THSD7A: variants seen among roughly 807,000 people sequenced by gnomAD.
The protein encoded by THSD7A is thrombospondin type-1 domain-containing protein 7A.
Under a neutral mutation model 231.3 loss-of-function variants are expected in THSD7A, and 96 were observed. That is an observed-to-expected ratio of 0.41 (90% CI 0.35 to 0.49). The LOEUF (loss-of-function observed/expected upper bound fraction) is 0.49, where lower values mean the gene tolerates loss of function less well. Among genes scored for constraint, THSD7A ranks in the 20% least tolerant of loss-of-function variants. The pLI is 0.05. For missense variants in THSD7A, 2,290 were observed against 2,070.2 expected, an observed-to-expected ratio of 1.11 and a Z score of -2.06; for synonymous variants, 940 against 743.3, an observed-to-expected ratio of 1.26 and a Z score of -4.30.
chr7:11,628,909 A>C (rs1034380265), intron 2 of THSD7A, among the ~76,000 whole-genome samples: 1 of 152,202 alleles, frequency 6.6e-6, no homozygotes, highest in African/African-American at 2.4e-5. Context: ...TAAAAGGATT[A>C]TTAACAAAAT....
chr7:11,597,234 A>G (rs1207301216), intron 2 of THSD7A, among the ~76,000 whole-genome samples: 1 of 152,206 alleles, frequency 6.6e-6, no homozygotes, highest in Non-Finnish European at 1.5e-5. Flanking sequence ...GCCTGTCAAG[A>G]TATTCCTTCT....
At chr7:11,541,361 A>G in intron 6 of THSD7A, 58 bp downstream of exon 6, 7 of 1,524,082 alleles carry the variant, frequency 4.6e-6, no homozygotes, top group Non-Finnish European at 6.3e-6. Context: ...AACAGAAAGT[A>G]AAAACATATA....
chr7:11,759,017 G>A (rs1782774398), intron 1 of THSD7A, among the ~76,000 whole-genome samples: 1 of 152,006 alleles, frequency 6.6e-6, no homozygotes, highest in Admixed American at 6.6e-5. Flanking sequence ...GCCCCTTCTG[G>A]TAAGGATCCA....
chr7:11,607,487 T>C (rs946982115), intron 2 of THSD7A, among the ~76,000 whole-genome samples: 1 of 152,118 alleles, frequency 6.6e-6, no homozygotes, highest in African/African-American at 2.4e-5. Context: ...ACATTTTAAG[T>C]TTTTATAACT....
At position 11,373,553 on chromosome 7, in the gene THSD7A, C is replaced by CCTGA. The variant is rs1440761588; in HGVS notation, c.*2237_*2240dup. ...TGCTTTAAAGTAAAATTTTCATCTTCCTGACTACCTGTTCTCTTTGAAATG... is the reference window on the plus strand; with the variant it reads ...TGCTTTAAAGTAAAATTTTCATCTTCCTGACTGACTACCTGTTCTCTTTGAAATG... On this transcript the variant is annotated 3_prime_UTR_variant, in exon 28 of 28. Transcript: ENST00000423059. The CCTGA allele has an allele frequency of 6.6e-6, 1 of 151,882 alleles. No homozygotes were observed. Among genetic ancestry groups the CCTGA allele is most frequent in the African/African-American group, 2.4e-5 (1 of 41,398 alleles). 9.4% of individuals were successfully genotyped at this position (151,882 alleles called of 1,614,324 possible). A position where few individuals can be genotyped will look rare whatever the true frequency, so the allele number is the denominator to read the frequency against.
chr7:11,583,286 G>C (rs1250704976), intron 4 of THSD7A, among the ~76,000 whole-genome samples: 4 of 151,416 alleles, frequency 2.6e-5, no homozygotes, highest in Non-Finnish European at 5.9e-5. Context: ...GTGATTTTTT[G>C]TTTGTTTTGA....
chr7:11,462,232 C>T (rs1193362178), intron 9 of THSD7A, 89 bp from the exon 10 acceptor site: 14 of 1,420,852 alleles, frequency 9.9e-6, no homozygotes, highest in Admixed American at 2.0e-5. Context: ...TACATTGCCT[C>T]CAGCTACATG....
chr7:11,671,750 A>G (rs1355296144), intron 1 of THSD7A, among the ~76,000 whole-genome samples: 4 of 152,200 alleles, frequency 2.6e-5, no homozygotes, highest in Non-Finnish European at 4.4e-5. Context: ...GCAATGAAAC[A>G]CAATATATAC....
At chr7:11,768,730 C>A (rs76825952) in intron 1 of THSD7A, among the ~76,000 whole-genome samples, 1 of 151,950 alleles carries the variant, frequency 6.6e-6, no homozygotes, top group African/African-American at 2.4e-5. Context: ...TCATTAAGGA[C>A]AATTTATTCT....
intron 1 of THSD7A, among the ~76,000 whole-genome samples, chr7:11,826,116 A>G (rs114989583): frequency 3.3e-4 from 51 of 152,330 alleles, no homozygotes; most frequent in African/African-American, 1.2e-3. Context: ...TTGAAGAACA[A>G]AGGCATAATT....
At chr7:11,635,483 C>A (rs115041672) in intron 2 of THSD7A, among the ~76,000 whole-genome samples, 2,076 of 151,994 alleles carry the variant, frequency 0.014, 49 homozygotes, top group African/African-American at 0.048. Context: ...CATTATGTAC[C>A]CAAAGATAAT....
chr7:11,642,513 T>C (rs565484694), intron 1 of THSD7A, among the ~76,000 whole-genome samples: 1 of 152,276 alleles, frequency 6.6e-6, no homozygotes, highest in Admixed American at 6.5e-5. Flanking sequence ...TCAATAAACA[T>C]GTGCAGAACA....
chr7:11,816,408 T>TGTCA, intron 1 of THSD7A, among the ~76,000 whole-genome samples: 1 of 152,198 alleles, frequency 6.6e-6, no homozygotes, highest in East Asian at 1.9e-4. Context: ...GCCTCAATGA[T>TGTCA]GTCATAATCA....
rs747976672 is a variant in THSD7A at position 11,379,185 on chromosome 7, G to A, written c.4686C>T (p.Pro1562=). 1.2e-6 allele frequency: 2 copies of A among 1,613,538 alleles called. No individual in the cohort carries two copies. Among genetic ancestry groups the A allele is most frequent in the South Asian group, 2.2e-5 (2 of 91,088 alleles). The part of the protein sequence containing the change: ...QCTLIPVVVL[P]TMEDKRGDVK... ...CATCTCCTCTTTTGTCCTCCATGGT[G>A]GGTAATACCACCACGGGGATAAGTG... The change falls in exon 26 of 28, where the codon CCC becomes CCT. Residue 1562 remains proline, a synonymous_variant. Coordinates refer to ENST00000423059, the MANE Select transcript of THSD7A (RefSeq NM_015204.3).
chr7:11,424,950 T>A, intron 15 of THSD7A, 121 bp from the exon 16 acceptor site: 1 of 1,200,684 alleles, frequency 8.3e-7, no homozygotes, highest in East Asian at 2.5e-5. Flanking sequence ...CCTTTACTGC[T>A]TATTATTCTA....
At chr7:11,751,436 G>C (rs1318614092) in intron 1 of THSD7A, 1 of 151,956 alleles carries the variant, frequency 6.6e-6, no homozygotes, top group African/African-American at 2.4e-5. Context: ...CTGTTGTTCT[G>C]GTTCCTGCAT....
intron 1 of THSD7A, among the ~76,000 whole-genome samples, chr7:11,793,327 T>C (rs1488216321): frequency 1.3e-5 from 2 of 151,840 alleles, no homozygotes; most frequent in Admixed American, 6.6e-5. Flanking sequence ...TTCTAGTAGG[T>C]AATAGAAAAA....
At chr7:11,404,401 A>G (rs1583678440) in intron 22 of THSD7A, among the ~76,000 whole-genome samples, 2 of 152,200 alleles carry the variant, frequency 1.3e-5, no homozygotes, top group Non-Finnish European at 2.9e-5. Context: ...AATGGTGTGA[A>G]TGTCACAACA....
At chr7:11,830,820 A>T (rs868457267) in intron 1 of THSD7A, among the ~76,000 whole-genome samples, 1 of 152,148 alleles carries the variant, frequency 6.6e-6, no homozygotes, top group Admixed American at 6.5e-5. Flanking sequence ...TTCCCTTTCA[A>T]CTACAACATT....
Sources: allele counts gnomAD v4.1 joint callset (sites outside exome capture counted in the v4.1 genomes callset), GRCh38; gene constraint gnomAD v4.1.1; transcripts MANE v1.5; gene names NCBI Gene and HGNC (gene_info 2026-07-23, HGNC 2026-07-21).